SFXN5: variants seen among roughly 807,000 people sequenced by gnomAD.
SFXN5 encodes the protein sideroflexin 5.
SFXN5 carries 43 observed loss-of-function variants against 50.2 expected under a neutral mutation model. The ratio of observed to expected loss-of-function variants is 0.86; its 90% CI spans 0.67 to 1.11. SFXN5 has a LOEUF of 1.11. SFXN5 is among the 50% of genes least tolerant of loss of function. The probability of loss-of-function intolerance (pLI) is 0.00; values close to 1 mark genes in which losing one functional copy is unlikely to be tolerated. For missense variants in SFXN5, 463 were observed against 454.1 expected (o/e 1.02, Z -0.18); for synonymous variants, 203 against 185.8 (o/e 1.09, Z -0.75).
chr2:73,047,273 T>TATATAC lies in SFXN5; in HGVS notation c.172-6343_172-6342insGTATAT, dbSNP rs1559199883. Among the ~76,000 whole-genome samples, 30 of 63,922 alleles carry TATATAC rather than the reference T, an allele frequency of 4.7e-4. 2 individuals are homozygous for TATATAC. Among genetic ancestry groups the TATATAC allele is most frequent in the Non-Finnish European group, 7.4e-4 (27 of 36,578 alleles). The allele number at this position is 63,922 out of a possible 152,430, so 41.9% of individuals were successfully genotyped here. On this transcript the variant is annotated intron_variant, in intron 2 of 13. Coordinates refer to ENST00000272433, the MANE Select transcript of SFXN5 (RefSeq NM_144579.3). The stretch of plus-strand genomic sequence containing the variant: ...ATATATATATATATATATATATATA[T>TATATAC]ATACACACATATATATATATATATA...
chr2:73,065,214 C>T (rs965433558), intron 1 of SFXN5, among the ~76,000 whole-genome samples: 4 of 152,122 alleles, frequency 2.6e-5, no homozygotes, highest in Non-Finnish European at 4.4e-5. Context: ...GATCCTCCTG[C>T]CCCAGCCTCC....
chr2:73,024,805 G>A (rs948990451), intron 3 of SFXN5, among the ~76,000 whole-genome samples: 1 of 152,192 alleles, frequency 6.6e-6, no homozygotes. Context: ...CATGTATATG[G>A]CAATGTTGGT....
chr2:73,070,042 A>C (rs1683459834), intron 1 of SFXN5, among the ~76,000 whole-genome samples: 1 of 152,204 alleles, frequency 6.6e-6, no homozygotes, highest in African/African-American at 2.4e-5. Context: ...TCAGGTGGCC[A>C]AAGAGATGTG....
chr2:73,057,426 T>C (rs1433013266), intron 2 of SFXN5, among the ~76,000 whole-genome samples: 4 of 152,114 alleles, frequency 2.6e-5, no homozygotes, highest in Non-Finnish European at 4.4e-5. Context: ...GTGTGAGCCA[T>C]TGCACCCAGC....
chr2:72,985,099 CAG>C lies in SFXN5; in HGVS notation c.625+3157_625+3158del, dbSNP rs533261192. On this transcript the variant is annotated intron_variant, in intron 10 of 13. Transcript: ENST00000272433. ...TTCCACTCCACTCACATCCCAACAA[CAG>C]AGCTTAAATATGATCACTGCCACTT... is the stretch of plus-strand genomic sequence containing the variant. 4.8e-3 allele frequency among the ~76,000 whole-genome samples: 731 copies of C among 152,328 alleles called. 3 individuals carry two copies. The highest frequency in any genetic ancestry group is 0.017 in the Middle Eastern group (5 of 294).
intron 1 of SFXN5, among the ~76,000 whole-genome samples, chr2:73,065,820 G>A (rs1683132330): frequency 6.6e-6 from 1 of 152,242 alleles, no homozygotes; most frequent in African/African-American, 2.4e-5. Flanking sequence ...CTCCCAAAGT[G>A]CTGGGATTAC....
chr2:73,053,132 C>T (rs1681606629), intron 2 of SFXN5, among the ~76,000 whole-genome samples: 1 of 151,714 alleles, frequency 6.6e-6, no homozygotes, highest in Admixed American at 6.6e-5. Flanking sequence ...AGCCAAGATG[C>T]CACCGCACTC....
chr2:72,947,600 C>T (rs1672096980), intron 13 of SFXN5, among the ~76,000 whole-genome samples: 1 of 152,252 alleles, frequency 6.6e-6, no homozygotes, highest in Non-Finnish European at 1.5e-5. Context: ...CTTCGGAGAG[C>T]TCTGTCATGT....
chr2:73,032,797 G>A (rs938761589), intron 3 of SFXN5, among the ~76,000 whole-genome samples: 8 of 152,192 alleles, frequency 5.3e-5, no homozygotes, highest in Middle Eastern at 3.2e-3. Context: ...CCTTCTGTAA[G>A]GCAAAGAATG....
rs1675996906 is a variant in SFXN5 at position 73,015,176 on chromosome 2, TTA to T, written c.357+5061_357+5062del. Among the ~76,000 whole-genome samples the T allele has an allele frequency of 5.9e-5, 9 of 152,278 alleles. No individual in the cohort carries two copies. In the South Asian group the frequency reaches 1.9e-3, roughly 32 times the overall value. ...ATCATAATAATTACCGTAAATTGAG[TTA>T]TGTTTTATTTTATCAAATACTTTTT... On this transcript the variant is annotated intron_variant, in intron 6 of 13. Coordinates refer to ENST00000272433, the MANE Select transcript of SFXN5 (RefSeq NM_144579.3).
At position 73,051,257 on chromosome 2, in the gene SFXN5, C is replaced by CTTTTTTTTT. The variant is rs35074891; in HGVS notation, c.171+7262_171+7270dup. Among the ~76,000 whole-genome samples, 29 of 114,768 alleles carry CTTTTTTTTT rather than the reference C, an allele frequency of 2.5e-4. 1 individual carries two copies. The highest frequency in any genetic ancestry group is 7.7e-4 in the African/African-American group (22 of 28,456). The allele number at this position is 114,768 out of a possible 152,430, so 75.3% of individuals were successfully genotyped here. ...CATGGCAATGAGACTTTTTCCAGCA[C>CTTTTTTTTT]TTTTTTTTTTTTTTTTTTTGAGACG... On this transcript the variant is annotated intron_variant, in intron 2 of 13. Coordinates refer to ENST00000272433, the MANE Select transcript of SFXN5 (RefSeq NM_144579.3).
rs1672741601 is a variant in SFXN5, at chr2:72,992,693, A to G, written c.535-4345T>C. Among the ~76,000 whole-genome samples the G allele has an allele frequency of 6.6e-6, 1 of 152,132 alleles. No individual in the cohort carries two copies. The highest frequency in any genetic ancestry group is 1.5e-5 in the Non-Finnish European group (1 of 68,032). ...GCAGCTGTTTGCTCTCCCTGCTCCC[A>G]ACACTCAGCACGCAGCCTCTGTCCC... On this transcript the variant is annotated intron_variant, in intron 9 of 13. Transcript: ENST00000272433. The surrounding 1 kb of genome is among the most constrained non-coding windows in gnomAD (Gnocchi z 4.5).
rs1012585044 is a variant in SFXN5 at position 72,945,689 on chromosome 2, C to T, written c.946-590G>A. Among the ~76,000 whole-genome samples, 8 of 152,136 alleles carry T rather than the reference C, an allele frequency of 5.3e-5. No homozygotes were observed. The highest frequency in any genetic ancestry group is 5.2e-4 in the Admixed American group (8 of 15,282). On this transcript the variant is annotated intron_variant, in intron 13 of 13. Coordinates refer to ENST00000272433, the MANE Select transcript of SFXN5 (RefSeq NM_144579.3). This position sits in a 1 kb window ranked among gnomAD's most constrained non-coding sequence, Gnocchi z 5.8. ...TCAGCTACTCCCTAGCCCAAGGGTC[C>T]CTCCCACGCTGCTGGCAGAAGCCCT...
intron 3 of SFXN5, among the ~76,000 whole-genome samples, chr2:73,028,125 T>C (rs1382643280): frequency 1.3e-5 from 2 of 152,092 alleles, no homozygotes; most frequent in Non-Finnish European, 2.9e-5. Context: ...AGGTGTGGAG[T>C]AGACTCTACC....
At chr2:73,015,374 A>C (rs1676023079) in intron 6 of SFXN5, among the ~76,000 whole-genome samples, 1 of 152,172 alleles carries the variant, frequency 6.6e-6, no homozygotes. Context: ...TTTTACATGT[A>C]ATTTCATAAG....
At chr2:72,989,508 C>T (rs948960565) in intron 9 of SFXN5, among the ~76,000 whole-genome samples, 5 of 152,032 alleles carry the variant, frequency 3.3e-5, no homozygotes, top group Non-Finnish European at 5.9e-5. Flanking sequence ...CATGATGTCA[C>T]GGGACCGGAT....
intron 3 of SFXN5, among the ~76,000 whole-genome samples, chr2:73,031,373 G>A (rs1678276838): frequency 6.6e-6 from 1 of 152,244 alleles, no homozygotes; most frequent in African/African-American, 2.4e-5. Context: ...AGAGATGGTA[G>A]AGAAACATGA....
chr2:72,949,836 AGGATGACTGTGCGTT>A (rs1436204686), intron 13 of SFXN5, among the ~76,000 whole-genome samples: 2 of 151,560 alleles, frequency 1.3e-5, no homozygotes, highest in Non-Finnish European at 2.9e-5. Flanking sequence ...GGAGGTGTTG[AGGATGACTGTGCGTT>A]GGATGACTCC....
At chr2:73,043,143 G>A (rs568843063) in intron 2 of SFXN5, among the ~76,000 whole-genome samples, 8 of 152,332 alleles carry the variant, frequency 5.3e-5, no homozygotes, top group Non-Finnish European at 1.0e-4. Context: ...AAGGAAGCTC[G>A]TGTCAAGGTC....
Sources: gnomAD v4.1 joint callset for allele counts (sites outside exome capture counted in the v4.1 genomes callset) on GRCh38, gnomAD v4.1.1 for gene constraint, Gnocchi (gnomAD v3.1) non-coding constraint, MANE v1.5 for transcripts, NCBI Gene and HGNC (gene_info 2026-07-23, HGNC 2026-07-21) for gene names.